SVIL: variants seen among roughly 807,000 people sequenced by gnomAD.
SVIL encodes supervillin, also known as archvillin.
SVIL carries 101 observed loss-of-function variants against 240.4 expected under a neutral mutation model. That is an observed-to-expected ratio of 0.42 (90% CI 0.36 to 0.50). The LOEUF is 0.50. Among genes scored for constraint, SVIL ranks in the 20% least tolerant of loss-of-function variants. SVIL has a pLI of 0.01. For synonymous variants in SVIL, 999 were observed against 1,100.0 expected (o/e 0.91, Z 1.82); for missense variants, 2,512 against 2,818.7 (o/e 0.89, Z 2.46).
intron 25 of SVIL, 62 bp downstream of exon 25, chr10:29,486,348 A>G: frequency 1.2e-6 from 2 of 1,603,080 alleles, no homozygotes. Flanking sequence ...TAGAAGAATG[A>G]GCTAAGGGAG....
At chr10:29,635,705 T>C (rs1958285649), upstream of SVIL, among the ~76,000 whole-genome samples, 2 of 152,180 alleles carry the variant, frequency 1.3e-5, no homozygotes, top group Admixed American at 1.3e-4. Context: ...TTGAATACAC[T>C]CAAACAAATA....
At chr10:29,471,030 C>A in intron 31 of SVIL, 108 bp downstream of exon 31, 1 of 1,050,566 alleles carries the variant, frequency 9.5e-7, no homozygotes, top group Non-Finnish European at 1.4e-6. Flanking sequence ...TTTCAGAGGT[C>A]GAGCCACAGC....
intron 6 of SVIL, among the ~76,000 whole-genome samples, chr10:29,548,630 C>T (rs1284252276): frequency 1.3e-5 from 2 of 152,108 alleles, no homozygotes; most frequent in Non-Finnish European, 2.9e-5. Flanking sequence ...CTCACACATA[C>T]CTGTGTCCTA....
intron 3 of SVIL, among the ~76,000 whole-genome samples, chr10:29,652,386 C>A (rs1411104621): frequency 2.0e-5 from 3 of 152,182 alleles, no homozygotes; most frequent in African/African-American, 7.2e-5. Context: ...GCACTACAAT[C>A]CTTTTTAAAG....
intron 2 of SVIL, among the ~76,000 whole-genome samples, chr10:29,675,006 G>A (rs1052506008): frequency 6.6e-6 from 1 of 152,202 alleles, no homozygotes; most frequent in African/African-American, 2.4e-5. Flanking sequence ...AAGGACAGCT[G>A]ACTCGCAACC....
intron 2 of SVIL, among the ~76,000 whole-genome samples, chr10:29,661,723 C>A (rs1056266035): frequency 6.6e-6 from 1 of 152,186 alleles, no homozygotes; most frequent in Non-Finnish European, 1.5e-5. Flanking sequence ...ATGTTTCAAG[C>A]CTGTGCTTTG....
chr10:29,661,223 T>A (rs186111884), intron 2 of SVIL, among the ~76,000 whole-genome samples: 1 of 150,838 alleles, frequency 6.6e-6, no homozygotes, highest in East Asian at 1.9e-4. Context: ...AAATCTGGTT[T>A]GCTTAAAGAC....
rs1947681734 is a variant in SVIL at position 29,488,834 on chromosome 10, A to G, written c.4193-78T>C. On this transcript the variant is annotated intron_variant, in intron 22 of 37. Coordinates refer to ENST00000355867, the MANE Select transcript of SVIL (RefSeq NM_021738.3). Reference sequence around the variant, plus strand: ...ATATTTACAGTCAGAAATTATTCATAACTGACTCAACACCTTTGTCTTTTC... The same window carrying G: ...ATATTTACAGTCAGAAATTATTCATGACTGACTCAACACCTTTGTCTTTTC... 2.1e-6 allele frequency: 3 copies of G among 1,442,308 alleles called. No homozygotes were observed. The East Asian group carries it at 7.5e-5, about 36-fold the overall frequency. 89.3% of individuals were successfully genotyped at this position (1,442,308 alleles called of 1,614,324 possible).
intron 17 of SVIL, among the ~76,000 whole-genome samples, chr10:29,507,240 C>T (rs1407486040): frequency 1.3e-5 from 2 of 152,134 alleles, no homozygotes; most frequent in African/African-American, 4.8e-5. Flanking sequence ...CCACCATATC[C>T]TCCTCCTCTA....
chr10:29,489,773 C>T (rs1947777136), intron 22 of SVIL, among the ~76,000 whole-genome samples: 1 of 152,130 alleles, frequency 6.6e-6, no homozygotes, highest in African/African-American at 2.4e-5. Flanking sequence ...GTCTCAGACT[C>T]CTGGGCTCAA....
chr10:29,576,131 C>A (rs567339550), intron 1 of SVIL: 3 of 985,010 alleles, frequency 3.0e-6, no homozygotes, highest in Non-Finnish European at 3.6e-6. Context: ...GCTTCATTTT[C>A]GTTATGATGA....
At chr10:29,655,385 C>T (rs1958967700) in intron 3 of SVIL, among the ~76,000 whole-genome samples, 1 of 152,138 alleles carries the variant, frequency 6.6e-6, no homozygotes. Context: ...ATTTGATGTC[C>T]AAGGGCAGGA....
intron 6 of SVIL, among the ~76,000 whole-genome samples, chr10:29,540,753 C>T (rs1952087060): frequency 6.6e-6 from 1 of 152,186 alleles, no homozygotes; most frequent in South Asian, 2.1e-4. Flanking sequence ...GGATGTGGAT[C>T]TCTCTCTAGT....
At chr10:29,610,025 G>C (rs559726986) in intron 1 of SVIL, among the ~76,000 whole-genome samples, 24 of 152,276 alleles carry the variant, frequency 1.6e-4, no homozygotes, top group African/African-American at 5.5e-4. Context: ...CCCTCCCCCT[G>C]AGAGACTGGT....
chr10:29,481,133 GGTGTGTGTGTGT>G (rs57479630), intron 28 of SVIL, among the ~76,000 whole-genome samples: 4 of 141,322 alleles, frequency 2.8e-5, no homozygotes, highest in Non-Finnish European at 6.1e-5. Context: ...TAGCTTTAAG[GGTGTGTGTGTGT>G]GTGTGTGTGT....
At chr10:29,664,244 T>C (rs1959191059) in intron 2 of SVIL, among the ~76,000 whole-genome samples, 1 of 152,222 alleles carries the variant, frequency 6.6e-6, no homozygotes, top group Non-Finnish European at 1.5e-5. Context: ...CTCATACACT[T>C]TTTCAAAATG....
chr10:29,728,919 C>T (rs1480573928), intron 1 of SVIL, among the ~76,000 whole-genome samples: 3 of 151,992 alleles, frequency 2.0e-5, no homozygotes, highest in Non-Finnish European at 4.4e-5. Context: ...CCAGGCCTGC[C>T]GGGAGGTGGC....
chr10:29,628,782 G>A (rs1957972240), intron 1 of SVIL, among the ~76,000 whole-genome samples: 1 of 152,146 alleles, frequency 6.6e-6, no homozygotes, highest in African/African-American at 2.4e-5. Context: ...ACCTTATAAA[G>A]AGGAACACCA....
At chr10:29,467,593 T>TCA in intron 33 of SVIL, 149 bp downstream of exon 33, 8 of 992,510 alleles carry the variant, frequency 8.1e-6, no homozygotes, top group Non-Finnish European at 1.2e-5. Flanking sequence ...TTTGAGAGGC[T>TCA]GAGGCAGGCT....
Sources: gnomAD v4.1 joint callset for allele counts (sites outside exome capture counted in the v4.1 genomes callset) on GRCh38, gnomAD v4.1.1 for gene constraint, MANE v1.5 for transcripts, NCBI Gene and HGNC (gene_info 2026-07-23, HGNC 2026-07-21) for gene names.